Variants in TRPM3 observed in about 807,000 individuals in gnomAD.
TRPM3 encodes transient receptor potential cation channel subfamily M member 3, also known as long transient receptor potential channel 3.
Under a neutral mutation model 181.2 loss-of-function variants are expected in TRPM3, and 77 were observed. The ratio of observed to expected loss-of-function variants is 0.42; its 90% CI spans 0.35 to 0.51. The LOEUF is 0.51. Among genes scored for constraint, TRPM3 ranks in the 20% least tolerant of loss-of-function variants. The probability of loss-of-function intolerance (pLI) is 0.01; values close to 1 mark genes in which losing one functional copy is unlikely to be tolerated. For synonymous variants in TRPM3, 745 were observed against 796.4 expected, an observed-to-expected ratio of 0.94 and a Z score of 1.09; for missense variants, 1,759 against 2,196.7, an observed-to-expected ratio of 0.80 and a Z score of 3.98.
intron 5 of TRPM3, among the ~76,000 whole-genome samples, chr9:70,832,001 A>ATATATATATATATTT (rs1564497915): frequency 7.9e-6 from 1 of 126,062 alleles, no homozygotes; most frequent in African/African-American, 2.9e-5. Context: ...ATATATACCT[A>ATATATATATATATTT]CTATGTACCC....
chr9:70,963,504 A>G (rs1001859841), intron 1 of TRPM3, among the ~76,000 whole-genome samples: 1 of 151,958 alleles, frequency 6.6e-6, no homozygotes, highest in Non-Finnish European at 1.5e-5. Context: ...CCAAGAGGAG[A>G]TTTTGAGGGG....
chr9:71,105,732 C>T (rs898331538), intron 1 of TRPM3, among the ~76,000 whole-genome samples: 4 of 152,098 alleles, frequency 2.6e-5, no homozygotes, highest in African/African-American at 4.8e-5. Context: ...CTAGGAGAGG[C>T]GTTCTCTTCT....
intron 1 of TRPM3, among the ~76,000 whole-genome samples, chr9:71,171,496 G>A (rs1029125982): frequency 5.9e-5 from 9 of 152,014 alleles, no homozygotes; most frequent in Non-Finnish European, 8.8e-5. Flanking sequence ...CAAGCTGGCC[G>A]ACACTTAGGG....
intron 1 of TRPM3, among the ~76,000 whole-genome samples, chr9:71,201,804 T>C (rs1216102687): frequency 6.6e-6 from 1 of 152,254 alleles, no homozygotes; most frequent in Admixed American, 6.5e-5. Flanking sequence ...ATAGTTTGAT[T>C]GTCTGAAGCC....
At chr9:71,319,502 T>G (rs561361746) in intron 1 of TRPM3, among the ~76,000 whole-genome samples, 1 of 152,198 alleles carries the variant, frequency 6.6e-6, no homozygotes, top group East Asian at 1.9e-4. Flanking sequence ...TCTGTTTTAT[T>G]TGGGCCCTAA....
At chr9:71,134,002 T>TGC (rs1209817970) in intron 1 of TRPM3, among the ~76,000 whole-genome samples, 1 of 86,258 alleles carries the variant, frequency 1.2e-5, no homozygotes, top group African/African-American at 4.1e-5. Flanking sequence ...TGTGTGTGTG[T>TGC]GTGTGTGTGT....
intron 1 of TRPM3, among the ~76,000 whole-genome samples, chr9:70,981,744 T>A (rs922622239): frequency 2.0e-5 from 3 of 152,208 alleles, no homozygotes; most frequent in Non-Finnish European, 4.4e-5. Context: ...ATAACTATTA[T>A]CATGCAAGGA....
At chr9:70,579,286 T>A (rs1478848259) in intron 22 of TRPM3, 2 of 152,222 alleles carry the variant, frequency 1.3e-5, no homozygotes, top group African/African-American at 4.8e-5. Flanking sequence ...ACTTCACCCC[T>A]CCTTAGGCAA....
At chr9:70,814,171 T>C (rs1197052391) in intron 6 of TRPM3, among the ~76,000 whole-genome samples, 1 of 152,204 alleles carries the variant, frequency 6.6e-6, no homozygotes, top group African/African-American at 2.4e-5. Context: ...TGTGTTTAGC[T>C]TCCACATGAG....
intron 1 of TRPM3, among the ~76,000 whole-genome samples, chr9:71,429,443 T>C (rs2093923812): frequency 6.6e-6 from 1 of 152,248 alleles, no homozygotes; most frequent in Middle Eastern, 3.4e-3. Context: ...TCATAAGAAA[T>C]AAATGATTCA....
intron 9 of TRPM3, among the ~76,000 whole-genome samples, chr9:70,644,346 T>C (rs1017086207): frequency 1.3e-4 from 20 of 152,216 alleles, no homozygotes; most frequent in African/African-American, 4.8e-4. Context: ...CGACCTTGCA[T>C]GTCCCCACAA....
intron 1 of TRPM3, among the ~76,000 whole-genome samples, chr9:70,916,843 T>C (rs2096600423): frequency 6.6e-6 from 1 of 152,198 alleles, no homozygotes. Context: ...TGGTGATACA[T>C]CTACTGAACT....
chr9:71,428,451 A>C (rs1248103385), intron 1 of TRPM3, among the ~76,000 whole-genome samples: 6 of 151,720 alleles, frequency 4.0e-5, no homozygotes, highest in Non-Finnish European at 8.8e-5. Flanking sequence ...AAGTTTGGGA[A>C]CCCTTCTCCC....
At chr9:71,446,492 C>T (rs950412468) in intron 1 of TRPM3, among the ~76,000 whole-genome samples, 1 of 152,202 alleles carries the variant, frequency 6.6e-6, no homozygotes, top group African/African-American at 2.4e-5. Context: ...TCCTTCTCGC[C>T]CTTCCTCACA....
intron 8 of TRPM3, among the ~76,000 whole-genome samples, chr9:70,739,761 G>C (rs2073605607): frequency 6.6e-6 from 1 of 151,984 alleles, no homozygotes; most frequent in African/African-American, 2.4e-5. Context: ...GGGATTAGAG[G>C]CACCTGCCAC....
At chr9:70,982,935 G>A (rs760861136) in intron 1 of TRPM3, among the ~76,000 whole-genome samples, 2 of 152,092 alleles carry the variant, frequency 1.3e-5, no homozygotes, top group East Asian at 1.9e-4. Context: ...TCCTGACCTC[G>A]TGTTCCACCT....
At chr9:70,618,833 T>C (rs1308997485) in intron 17 of TRPM3, 34 bp downstream of exon 17, 5 of 1,587,488 alleles carry the variant, frequency 3.1e-6, no homozygotes, top group Non-Finnish European at 4.3e-6. Context: ...CCGCCGGTCC[T>C]CATAGCCAGG....
At chr9:70,863,580 C>T (rs1292389027) in intron 2 of TRPM3, among the ~76,000 whole-genome samples, 1 of 152,146 alleles carries the variant, frequency 6.6e-6, no homozygotes, top group African/African-American at 2.4e-5. Flanking sequence ...TCCCAATTGA[C>T]ATTTGCTGTC....
At chr9:70,826,448 T>C (rs2093561930) in intron 6 of TRPM3, 1 of 152,236 alleles carries the variant, frequency 6.6e-6, no homozygotes, top group South Asian at 2.1e-4. Flanking sequence ...CGTAATATAA[T>C]TTTTATTTCA....
Sources: allele counts gnomAD v4.1 joint callset (sites outside exome capture counted in the v4.1 genomes callset), GRCh38; gene constraint gnomAD v4.1.1; transcripts MANE v1.5; gene names NCBI Gene and HGNC (gene_info 2026-07-23, HGNC 2026-07-21).